The following PLCB1 variants were observed in gnomAD, a reference collection of about 807,000 sequenced individuals.
PLCB1 encodes 1-phosphatidylinositol 4,5-bisphosphate phosphodiesterase beta-1.
Under a neutral mutation model 161.8 loss-of-function variants are expected in PLCB1, and 46 were observed. The ratio of observed to expected loss-of-function variants is 0.28; its 90% CI spans 0.22 to 0.36. PLCB1 has a LOEUF of 0.36. PLCB1 is among the 10% of genes least tolerant of loss of function. The pLI is 1.00. For missense variants in PLCB1, 1,016 were observed against 1,472.5 expected, an observed-to-expected ratio of 0.69 and a Z score of 5.07; for synonymous variants, 517 against 503.7, an observed-to-expected ratio of 1.03 and a Z score of -0.35.
intron 2 of PLCB1, among the ~76,000 whole-genome samples, chr20:8,320,907 A>AGAAGAAGAG (rs1011839049): frequency 2.0e-5 from 3 of 146,734 alleles, no homozygotes; most frequent in South Asian, 2.1e-4. Context: ...GAAGAAGAAA[A>AGAAGAAGAG]GAAGAAGAGG....
intron 3 of PLCB1, among the ~76,000 whole-genome samples, chr20:8,469,438 A>T (rs746476446): frequency 3.3e-5 from 5 of 152,146 alleles, no homozygotes; most frequent in Admixed American, 6.5e-5. Flanking sequence ...TTGTCATTTC[A>T]TTATGTCAAG....
intron 26 of PLCB1, among the ~76,000 whole-genome samples, chr20:8,769,897 A>G (rs912119902): frequency 1.3e-5 from 2 of 152,192 alleles, no homozygotes; most frequent in African/African-American, 4.8e-5. Context: ...TTAAATTGAA[A>G]GCACTATCAA....
chr20:8,143,886 G>A (rs1004598153), intron 1 of PLCB1, among the ~76,000 whole-genome samples: 1 of 152,166 alleles, frequency 6.6e-6, no homozygotes, highest in Admixed American at 6.5e-5. Context: ...ATTGACATTT[G>A]GTCCCAGTAG....
chr20:8,272,201 G>T (rs952192708), intron 2 of PLCB1, among the ~76,000 whole-genome samples: 1 of 152,052 alleles, frequency 6.6e-6, no homozygotes, highest in African/African-American at 2.4e-5. Flanking sequence ...AGTTAACTAA[G>T]AATATGTTTA....
intron 11 of PLCB1, among the ~76,000 whole-genome samples, chr20:8,702,541 T>G (rs1978425369): frequency 6.6e-6 from 1 of 152,250 alleles, no homozygotes. Flanking sequence ...GCAGTTTCAC[T>G]GCTACCTAAA....
chr20:8,614,420 G>GA (rs1477351386), intron 3 of PLCB1, among the ~76,000 whole-genome samples: 88 of 151,910 alleles, frequency 5.8e-4, no homozygotes, highest in African/African-American at 2.0e-3. Context: ...GTCCAATGAT[G>GA]AGAAATATGT....
intron 27 of PLCB1, among the ~76,000 whole-genome samples, chr20:8,782,271 G>A (rs1409677444): frequency 2.6e-5 from 4 of 152,180 alleles, no homozygotes; most frequent in Non-Finnish European, 4.4e-5. Context: ...GGCCCTCTCT[G>A]TCTGCTCACA....
chr20:8,253,908 A>G (rs1482281189), intron 2 of PLCB1, among the ~76,000 whole-genome samples: 1 of 151,908 alleles, frequency 6.6e-6, no homozygotes, highest in Non-Finnish European at 1.5e-5. Flanking sequence ...TGCTCAAGAT[A>G]ATGGCCTCCA....
chr20:8,546,093 G>A (rs1030519706), intron 3 of PLCB1, among the ~76,000 whole-genome samples: 4 of 152,072 alleles, frequency 2.6e-5, no homozygotes, highest in African/African-American at 9.7e-5. Context: ...GAGGCGGACG[G>A]ATCACGAGGT....
chr20:8,584,479 CACAG>C (rs1414288758), intron 3 of PLCB1, among the ~76,000 whole-genome samples: 1 of 129,658 alleles, frequency 7.7e-6, no homozygotes, highest in African/African-American at 3.3e-5. Flanking sequence ...CATACACACA[CACAG>C]ACACACACAC....
At chr20:8,342,300 T>G (rs1045686537) in intron 2 of PLCB1, among the ~76,000 whole-genome samples, 1 of 152,236 alleles carries the variant, frequency 6.6e-6, no homozygotes, top group African/African-American at 2.4e-5. Context: ...TTGAAGTTTG[T>G]AAACAAAATA....
At chr20:8,259,088 A>G (rs1292078700) in intron 2 of PLCB1, among the ~76,000 whole-genome samples, 1 of 152,160 alleles carries the variant, frequency 6.6e-6, no homozygotes, top group East Asian at 1.9e-4. Context: ...AGATTTATCC[A>G]TGTATCAGTG....
intron 3 of PLCB1, among the ~76,000 whole-genome samples, chr20:8,409,438 A>G (rs1978938554): frequency 6.7e-6 from 1 of 148,872 alleles, no homozygotes; most frequent in African/African-American, 2.4e-5. Flanking sequence ...TGGAATGTAT[A>G]TTATTTTTAT....
At chr20:8,376,367 A>T (rs1051622609) in intron 3 of PLCB1, among the ~76,000 whole-genome samples, 1 of 152,224 alleles carries the variant, frequency 6.6e-6, no homozygotes, top group African/African-American at 2.4e-5. Context: ...CACATAAGGT[A>T]GATTAGAGTA....
chr20:8,724,594 G>A, intron 15 of PLCB1, 62 bp from the exon 16 acceptor site: 1 of 945,452 alleles, frequency 1.1e-6, no homozygotes. Context: ...ATTTTCCTGG[G>A]AAAATAACTG....
intron 2 of PLCB1, among the ~76,000 whole-genome samples, chr20:8,355,947 C>A (rs1986350533): frequency 6.6e-6 from 1 of 152,080 alleles, no homozygotes; most frequent in Non-Finnish European, 1.5e-5. Context: ...TTTAATGCAA[C>A]AAAATCTCAT....
intron 3 of PLCB1, among the ~76,000 whole-genome samples, chr20:8,617,579 T>A (rs1988070523): frequency 6.6e-6 from 1 of 152,168 alleles, no homozygotes; most frequent in Admixed American, 6.6e-5. Flanking sequence ...TGTTTTGGGT[T>A]TTTTGGTTTT....
chr20:8,628,685 A>G (rs1988432840), intron 4 of PLCB1: 2 of 361,860 alleles, frequency 5.5e-6, no homozygotes, highest in Non-Finnish European at 1.0e-5. Context: ...CTATAATCCC[A>G]GCACTTTGGG....
At chr20:8,219,292 CGT>C (rs1282805059) in intron 2 of PLCB1, among the ~76,000 whole-genome samples, 3 of 152,138 alleles carry the variant, frequency 2.0e-5, no homozygotes, top group Non-Finnish European at 4.4e-5. Flanking sequence ...TTTAAGAAAT[CGT>C]ATCAGTGGCT....
Sources: gnomAD v4.1 joint callset for allele counts (sites outside exome capture counted in the v4.1 genomes callset) on GRCh38, gnomAD v4.1.1 for gene constraint, MANE v1.5 for transcripts, NCBI Gene and HGNC (gene_info 2026-07-23, HGNC 2026-07-21) for gene names.